Variants in SIPA1L3 observed in about 807,000 individuals in gnomAD.
SIPA1L3 encodes the protein signal-induced proliferation-associated 1-like protein 3.
A neutral mutation model predicts 150.1 loss-of-function variants in SIPA1L3; 59 were observed. The ratio of observed to expected loss-of-function variants is 0.39; its 90% CI spans 0.32 to 0.49. The LOEUF (loss-of-function observed/expected upper bound fraction) is 0.49. SIPA1L3 is among the 20% of genes least tolerant of loss of function. The pLI, the probability that SIPA1L3 is intolerant of heterozygous loss-of-function variation, is 0.86. For missense variants in SIPA1L3, 2,211 were observed against 2,489.5 expected (o/e 0.89, Z 2.38); for synonymous variants, 1,070 against 1,077.6 (o/e 0.99, Z 0.14).
At chr19:38,088,382 A>G (rs1332178810) in intron 3 of SIPA1L3, among the ~76,000 whole-genome samples, 2 of 152,272 alleles carry the variant, frequency 1.3e-5, no homozygotes, top group Non-Finnish European at 2.9e-5. Context: ...GGTTGATGGC[A>G]TGCCATGCAC....
chr19:38,123,102 G>T (rs146157777), intron 9 of SIPA1L3, among the ~76,000 whole-genome samples: 1 of 152,244 alleles, frequency 6.6e-6, no homozygotes, highest in African/African-American at 2.4e-5. Flanking sequence ...TCAAATGGGC[G>T]CCAGCTCTGC....
intron 1 of SIPA1L3, among the ~76,000 whole-genome samples, chr19:38,021,760 G>T (rs954860156): frequency 1.3e-5 from 2 of 152,066 alleles, no homozygotes; most frequent in Admixed American, 6.6e-5. Flanking sequence ...TGCCCAGGCT[G>T]GTCTCTAACT....
intron 1 of SIPA1L3, among the ~76,000 whole-genome samples, chr19:37,978,919 T>C (rs1967135623): frequency 6.6e-6 from 1 of 152,000 alleles, no homozygotes; most frequent in Non-Finnish European, 1.5e-5. Context: ...GAGGCTGCAG[T>C]GAGCTGTGAT....
In SIPA1L3 at chr19:38,165,133, C is replaced by G. The variant is rs1403749965; in HGVS notation, c.4208+227C>G. ...GGGAAAGAAACCCCTGGCCTTCTGT[C>G]TCTGTTTTCATCTGTCTCTGGTTCT... On this transcript the variant is annotated intron_variant, in intron 15 of 21. Coordinates refer to ENST00000222345, the MANE Select transcript of SIPA1L3 (RefSeq NM_015073.3). Among the ~76,000 whole-genome samples the G allele has an allele frequency of 2.6e-5, 4 of 152,256 alleles. No homozygotes were observed. In the East Asian group the frequency reaches 7.7e-4, roughly 29 times the overall value.
At chr19:38,077,661 C>G (rs371686371) in intron 2 of SIPA1L3, among the ~76,000 whole-genome samples, 2 of 64,324 alleles carry the variant, frequency 3.1e-5, no homozygotes, top group African/African-American at 5.9e-5. Context: ...TTTTCTTTTT[C>G]TTTTTTTTTT....
At chr19:38,060,476 G>A (rs1266711266) in intron 2 of SIPA1L3, among the ~76,000 whole-genome samples, 2 of 152,172 alleles carry the variant, frequency 1.3e-5, no homozygotes, top group Non-Finnish European at 2.9e-5. Context: ...AATAGTACAG[G>A]TGGGCTGCGG....
chr19:38,134,950 T>C (rs1325451370), intron 10 of SIPA1L3, among the ~76,000 whole-genome samples: 1 of 151,920 alleles, frequency 6.6e-6, no homozygotes, highest in Non-Finnish European at 1.5e-5. Context: ...CAAGATGGGG[T>C]GACGATGAGT....
chr19:38,188,731 G>A (rs1156919413), intron 16 of SIPA1L3, among the ~76,000 whole-genome samples: 1 of 150,880 alleles, frequency 6.6e-6, no homozygotes, highest in East Asian at 2.0e-4. Context: ...GACCATCCTG[G>A]CTAACATGGT....
intron 19 of SIPA1L3, among the ~76,000 whole-genome samples, chr19:38,199,534 G>A (rs965029867): frequency 1.6e-4 from 24 of 152,308 alleles, no homozygotes; most frequent in Admixed American, 1.2e-3. Flanking sequence ...TCTCCCCCAG[G>A]CTGTGCGTCA....
At chr19:38,091,092 T>G (rs931793354) in intron 4 of SIPA1L3, among the ~76,000 whole-genome samples, 3 of 152,198 alleles carry the variant, frequency 2.0e-5, no homozygotes, top group African/African-American at 7.2e-5. Context: ...TACAGTCATA[T>G]ACTTATAAAT....
chr19:38,084,635 C>CTTTTT (rs902218818), intron 3 of SIPA1L3, among the ~76,000 whole-genome samples: 58 of 104,472 alleles, frequency 5.6e-4, no homozygotes, highest in Non-Finnish European at 7.5e-4. Flanking sequence ...TTTTCTTTTT[C>CTTTTT]TTTTTTTTTT....
chr19:38,013,990 G>T lies in SIPA1L3; in HGVS notation c.-378-15099G>T, dbSNP rs185082578. 2.1e-3 allele frequency among the ~76,000 whole-genome samples: 314 copies of T among 152,382 alleles called. 2 individuals carry two copies. The highest frequency in any genetic ancestry group is 7.1e-3 in the African/African-American group (294 of 41,590). On this transcript the variant is annotated intron_variant, in intron 1 of 21. Transcript: ENST00000222345. ...CAGCGACAAAAGTCATTGTCATTTT[G>T]TTGGGGACAGTGGGTATCTACTTCA...
At chr19:38,136,561 G>A (rs1971441613) in intron 10 of SIPA1L3, among the ~76,000 whole-genome samples, 2 of 152,092 alleles carry the variant, frequency 1.3e-5, no homozygotes, top group African/African-American at 2.4e-5. Context: ...CCAAGACTGC[G>A]TCACTACACA....
At chr19:38,084,705 T>G (rs1287129250) in intron 3 of SIPA1L3, among the ~76,000 whole-genome samples, 2 of 148,262 alleles carry the variant, frequency 1.3e-5, no homozygotes, top group Admixed American at 1.4e-4. Flanking sequence ...AGTGGCGCGA[T>G]CTCAGCTCAC....
Position 38,206,520 on chromosome 19 carries a change from C to T in SIPA1L3, c.*280C>T. On this transcript the variant is annotated 3_prime_UTR_variant, in exon 22 of 22. Coordinates refer to ENST00000222345, the MANE Select transcript of SIPA1L3 (RefSeq NM_015073.3). ...TGTGCTTACACCGCTCCCGGGCCTG[C>T]CCCGCTGTCCCCATCTAGCCTCTTC... is the stretch of plus-strand genomic sequence containing the variant. 3.0e-6 allele frequency: 1 copy of T among 332,024 alleles called. No homozygotes were observed. Among genetic ancestry groups the T allele is most frequent in the Non-Finnish European group, 5.5e-6 (1 of 181,758 alleles). 20.6% of individuals were successfully genotyped at this position (332,024 alleles called of 1,614,324 possible).
intron 1 of SIPA1L3, among the ~76,000 whole-genome samples, chr19:37,959,940 A>G (rs1222336167): frequency 6.6e-6 from 1 of 151,272 alleles, no homozygotes; most frequent in Non-Finnish European, 1.5e-5. Flanking sequence ...GCTCTAATAT[A>G]GTTTCATTTT....
intron 1 of SIPA1L3, among the ~76,000 whole-genome samples, chr19:37,911,573 A>G (rs903370624): frequency 1.4e-4 from 21 of 151,068 alleles, no homozygotes; most frequent in Non-Finnish European, 2.7e-4. Context: ...CAGTGGCGCA[A>G]TCTCAGCTCA....
At chr19:37,997,922 G>C (rs1246681345) in intron 1 of SIPA1L3, among the ~76,000 whole-genome samples, 1 of 151,044 alleles carries the variant, frequency 6.6e-6, no homozygotes, top group African/African-American at 2.4e-5. Flanking sequence ...TTGGAACCTA[G>C]AGCACTGGTC....
chr19:38,006,674 G>A (rs1258371280), intron 1 of SIPA1L3, among the ~76,000 whole-genome samples: 1 of 152,190 alleles, frequency 6.6e-6, no homozygotes, highest in Non-Finnish European at 1.5e-5. Context: ...GGTGCGGGGG[G>A]CATCCAGGCT....
Sources: allele counts gnomAD v4.1 joint callset (sites outside exome capture counted in the v4.1 genomes callset), GRCh38; gene constraint gnomAD v4.1.1; transcripts MANE v1.5; gene names NCBI Gene and HGNC (gene_info 2026-07-23, HGNC 2026-07-21).